The following DCDC2 variants were observed in gnomAD, a reference collection of about 807,000 sequenced individuals.
DCDC2 encodes doublecortin domain-containing protein 2.
Under a neutral mutation model 50.2 loss-of-function variants are expected in DCDC2, and 40 were observed. The observed-to-expected ratio is 0.80, with a 90% CI of 0.62 to 1.04. The LOEUF is 1.04. Ranked by LOEUF, DCDC2 falls within the 50% of genes least tolerant of loss-of-function variation. The pLI, the probability that DCDC2 is intolerant of heterozygous loss-of-function variation, is 0.00. For missense variants in DCDC2, 570 were observed against 581.9 expected, an observed-to-expected ratio of 0.98 and a Z score of 0.21; for synonymous variants, 234 against 210.6, an observed-to-expected ratio of 1.11 and a Z score of -0.96.
rs6456594 is a variant in DCDC2 at position 24,174,105 on chromosome 6, A to G, written c.*625T>C. 51,485 of 151,832 alleles carry G rather than the reference A, an allele frequency of 0.34. 11,100 individuals carry two copies. Among genetic ancestry groups the G allele is most frequent in the African/African-American group, 0.6 (24,955 of 41,310 alleles). The allele number at this position is 151,832 out of a possible 1,614,324, so 9.4% of individuals were successfully genotyped here. Reference sequence around the variant, plus strand: ...AGCCTGAAAGCATTTAAGTGACGGCATGGCGATACTAGTCACTAACACTCT... The same window carrying G: ...AGCCTGAAAGCATTTAAGTGACGGCGTGGCGATACTAGTCACTAACACTCT... On this transcript the variant is annotated 3_prime_UTR_variant, in exon 10 of 10. Coordinates refer to ENST00000378454, the MANE Select transcript of DCDC2 (RefSeq NM_016356.5).
chr6:24,317,114 G>A (rs1581649037), intron 2 of DCDC2, among the ~76,000 whole-genome samples: 1 of 151,824 alleles, frequency 6.6e-6, no homozygotes, highest in African/African-American at 2.4e-5. Context: ...TGTATGTATG[G>A]AGAAAAACTG....
chr6:24,281,192 T>A (rs1209131009), intron 6 of DCDC2, among the ~76,000 whole-genome samples: 1 of 152,168 alleles, frequency 6.6e-6, no homozygotes. Context: ...TTGATTCAAA[T>A]CACTACATAA....
intron 2 of DCDC2, among the ~76,000 whole-genome samples, chr6:24,349,414 T>C (rs1295704551): frequency 1.3e-5 from 2 of 151,968 alleles, no homozygotes; most frequent in East Asian, 3.9e-4. Flanking sequence ...GAGGACAAGG[T>C]AGGAAAACAA....
chr6:24,293,136 T>A (rs1162556617), intron 4 of DCDC2, among the ~76,000 whole-genome samples: 2 of 152,194 alleles, frequency 1.3e-5, no homozygotes, highest in African/African-American at 4.8e-5. Flanking sequence ...GACAAGGTTT[T>A]GCTATGTTGC....
chr6:24,317,544 C>G (rs1759694436), intron 2 of DCDC2, among the ~76,000 whole-genome samples: 1 of 151,918 alleles, frequency 6.6e-6, no homozygotes, highest in South Asian at 2.1e-4. Context: ...CATACAAGTA[C>G]TAAAAGAAAA....
At chr6:24,318,351 T>G (rs2793428) in intron 2 of DCDC2, among the ~76,000 whole-genome samples, 3,455 of 152,144 alleles carry the variant, frequency 0.023, 116 homozygotes, top group African/African-American at 0.077. Context: ...CATACCAATA[T>G]GGAGAGGTTT....
intron 2 of DCDC2, among the ~76,000 whole-genome samples, chr6:24,313,600 G>T (rs12198320): frequency 0.12 from 18,381 of 152,262 alleles, 1,560 homozygotes; most frequent in African/African-American, 0.24. Flanking sequence ...CAAGATAAAA[G>T]TGAGCAATGC....
intron 2 of DCDC2, among the ~76,000 whole-genome samples, chr6:24,309,801 A>T (rs807686): frequency 0.78 from 118,347 of 152,066 alleles, 48,336 homozygotes; most frequent in East Asian, 0.99. Flanking sequence ...AAGATCTCAC[A>T]ATATACTGTT....
Position 24,199,697 on chromosome 6 carries a change from G to A in DCDC2, c.1023+5305C>T, listed in dbSNP as rs187278469. 2.0e-5 allele frequency among the ~76,000 whole-genome samples: 3 copies of A among 152,226 alleles called. No individual in the cohort carries two copies. The East Asian group carries it at 5.8e-4, about 29-fold the overall frequency. ...TGACAGAAGCAGGCTTCAGAAGGTGGGTAATAACAAACTCCTCCAAGCTAA... is the reference window on the plus strand; with the variant it reads ...TGACAGAAGCAGGCTTCAGAAGGTGAGTAATAACAAACTCCTCCAAGCTAA... On this transcript the variant is annotated intron_variant, in intron 8 of 9. Transcript: ENST00000378454.
chr6:24,208,372 T>TG (rs2113764313), intron 7 of DCDC2, among the ~76,000 whole-genome samples: 1 of 140,436 alleles, frequency 7.1e-6, no homozygotes, highest in South Asian at 2.4e-4. Context: ...ACTTTTTTTT[T>TG]TTTTTTTTTT....
chr6:24,295,795 C>G (rs1332438934), intron 4 of DCDC2, among the ~76,000 whole-genome samples: 4 of 151,982 alleles, frequency 2.6e-5, no homozygotes, highest in African/African-American at 9.7e-5. Context: ...ATGAGAACTA[C>G]AAAACACTGC....
At chr6:24,200,712 TAA>T (rs57621461) in intron 8 of DCDC2, among the ~76,000 whole-genome samples, 1,756 of 151,840 alleles carry the variant, frequency 0.012, 35 homozygotes, top group African/African-American at 0.04. Flanking sequence ...GCCAATTGGA[TAA>T]AGAGTCAAGA....
chr6:24,377,695 T>C, the DCDC2 span, among the ~76,000 whole-genome samples: 2 of 152,172 alleles, frequency 1.3e-5, no homozygotes, highest in Non-Finnish European at 2.9e-5. Flanking sequence ...TAAAAGAATG[T>C]ATAGAGCATA....
chr6:24,345,094 T>G (rs1760231186), intron 2 of DCDC2, among the ~76,000 whole-genome samples: 1 of 152,180 alleles, frequency 6.6e-6, no homozygotes, highest in Non-Finnish European at 1.5e-5. Context: ...GAAAGAAATA[T>G]TTAGATTACC....
chr6:24,216,415 T>C (rs949569636), intron 7 of DCDC2, among the ~76,000 whole-genome samples: 2 of 152,052 alleles, frequency 1.3e-5, no homozygotes, highest in Admixed American at 1.3e-4. Context: ...TGTCCCGCCA[T>C]TTGGGGATCC....
At chr6:24,264,524 T>C (rs1763077041) in intron 7 of DCDC2, among the ~76,000 whole-genome samples, 1 of 152,166 alleles carries the variant, frequency 6.6e-6, no homozygotes, top group African/African-American at 2.4e-5. Context: ...TCCTTGTTTG[T>C]TTTTGCAATT....
chr6:24,327,403 T>C (rs1759888675), intron 2 of DCDC2, among the ~76,000 whole-genome samples: 1 of 149,532 alleles, frequency 6.7e-6, no homozygotes, highest in African/African-American at 2.4e-5. Context: ...TTCATATATA[T>C]AATTAGTTTT....
chr6:24,205,111 A>T lies in DCDC2; in HGVS notation c.923-9T>A. 1 of 1,614,128 alleles carries T rather than the reference A, an allele frequency of 6.2e-7. No individual in the cohort carries two copies. The highest frequency in any genetic ancestry group is 8.5e-7 in the Non-Finnish European group (1 of 1,180,020). ...TTTGAAAATGCCTTCATCTATTGAG[A>T]CAAACACACAGTGAAAATCAAAATC... On this transcript the variant is annotated splice_polypyrimidine_tract_variant and intron_variant, in intron 7 of 9. Transcript: ENST00000378454.
chr6:24,278,340 C>T, intron 6 of DCDC2, 129 bp from the exon 7 acceptor site: 1 of 739,684 alleles, frequency 1.4e-6, no homozygotes, highest in Non-Finnish European at 2.1e-6. Context: ...GGTTCTGCAA[C>T]TGTCTATCTT....
Sources: gnomAD v4.1 joint callset for allele counts (sites outside exome capture counted in the v4.1 genomes callset) on GRCh38, gnomAD v4.1.1 for gene constraint, MANE v1.5 for transcripts, NCBI Gene and HGNC (gene_info 2026-07-23, HGNC 2026-07-21) for gene names.